The following SEC23B variants were observed in gnomAD, a reference collection of about 807,000 sequenced individuals.
The protein encoded by SEC23B is protein transport protein Sec23B.
A neutral mutation model predicts 104.3 loss-of-function variants in SEC23B; 77 were observed. That is an observed-to-expected ratio of 0.74 (90% CI 0.61 to 0.89). The LOEUF is 0.89. Ranked by LOEUF, SEC23B falls within the 40% of genes least tolerant of loss-of-function variation. SEC23B has a pLI of 0.00. For synonymous variants in SEC23B, 338 were observed against 332.5 expected (o/e 1.02, Z -0.18); for missense variants, 885 against 949.4 (o/e 0.93, Z 0.89).
intron 14 of SEC23B, among the ~76,000 whole-genome samples, chr20:18,544,040 C>G (rs1309509989): frequency 1.3e-5 from 2 of 152,172 alleles, no homozygotes; most frequent in Non-Finnish European, 2.9e-5. Flanking sequence ...CTCCAGCACT[C>G]TCTACTGACA....
intron 12 of SEC23B, among the ~76,000 whole-genome samples, 165 bp downstream of exon 12, chr20:18,535,907 G>A (rs1333729652): frequency 1.3e-5 from 2 of 152,152 alleles, no homozygotes; most frequent in Admixed American, 6.5e-5. Flanking sequence ...TTCCTTCAAG[G>A]GTTTAGTCGG....
At chr20:18,525,047 C>T (rs773522193) in intron 6 of SEC23B, 27 bp downstream of exon 6, 6 of 1,592,766 alleles carry the variant, frequency 3.8e-6, no homozygotes, top group Admixed American at 1.7e-5. Flanking sequence ...GAGTGTTACA[C>T]GTATTGTGAT....
Position 18,543,050 on chromosome 20 carries a change from A to G in SEC23B, c.1543A>G (p.Ile515Val), listed in dbSNP as rs759125987. Residue 515 changes from isoleucine (I) to valine (V), a missense_variant, in exon 14 of 20, where the codon ATA becomes GTA. Ile to Val is a conservative substitution (Grantham distance 29). Transcript: ENST00000650089. The part of the protein sequence containing the change: ...WADVQSQLRH[I>V]EAAFDQEAAA... Reference sequence around the variant, plus strand: ...AGATGTACAGAGTCAGCTCAGGCACATAGAAGCAGCATTTGACCAGGAGGC... The same window carrying G: ...AGATGTACAGAGTCAGCTCAGGCACGTAGAAGCAGCATTTGACCAGGAGGC... The G allele has an allele frequency of 6.2e-7, 1 of 1,614,202 alleles. No individual in the cohort carries two copies. Among genetic ancestry groups the G allele is most frequent in the Non-Finnish European group, 8.5e-7 (1 of 1,180,034 alleles).
intron 1 of SEC23B, 71 bp from the exon 2 acceptor site, chr20:18,510,751 C>A: frequency 1.7e-6 from 2 of 1,158,604 alleles, no homozygotes; most frequent in Non-Finnish European, 2.6e-6. Flanking sequence ...TGTTACATGA[C>A]CCATCTTCTT....
chr20:18,543,079 G>A lies in SEC23B; in HGVS notation c.1572G>A (p.Ala524=), dbSNP rs1197660415. 4.3e-6 allele frequency: 7 copies of A among 1,614,162 alleles called. No individual in the cohort carries two copies. The highest frequency in any genetic ancestry group is 2.2e-5 in the East Asian group (1 of 44,882). The change falls in exon 14 of 20, where the codon GCG becomes GCA. Residue 524 remains alanine, a synonymous_variant. Coordinates refer to ENST00000650089, the MANE Select transcript of SEC23B (RefSeq NM_006363.6). ...AAGCAGCATTTGACCAGGAGGCTGC[G>A]GCAGTGTTGATGGCACGGCTTGGGG... ...HIEAAFDQEA[A]AVLMARLGVF... is the part of the protein sequence containing the mutation.
chr20:18,555,580 C>T (rs1024612813), intron 19 of SEC23B, among the ~76,000 whole-genome samples: 10 of 152,104 alleles, frequency 6.6e-5, no homozygotes, highest in Non-Finnish European at 1.2e-4. Context: ...CCCCCAACCC[C>T]GCCTGATTAC....
chr20:18,527,547 A>G lies in SEC23B; in HGVS notation c.1045A>G (p.Ile349Val), dbSNP rs1204168449. Residue 349 changes from isoleucine (I) to valine (V), a missense_variant, in exon 9 of 20, where the codon ATT becomes GTT. Physicochemically the swap from Ile to Val is conservative, Grantham distance 29. Transcript: ENST00000650089. ...RTAANGHCID[I>V]YACALDQTGL... ...AGCTGCAAATGGTCACTGCATTGAT[A>G]TTTATGCTTGTGCCCTTGATCAAAC... The G allele has an allele frequency of 1.2e-6, 2 of 1,613,892 alleles. No homozygotes were observed. Among genetic ancestry groups the G allele is most frequent in the Non-Finnish European group, 1.7e-6 (2 of 1,179,742 alleles).
At chr20:18,516,918 TA>T (rs532032463) in intron 4 of SEC23B, among the ~76,000 whole-genome samples, 95 of 146,344 alleles carry the variant, frequency 6.5e-4, no homozygotes, top group East Asian at 3.5e-3. Flanking sequence ...TTTCTATTTC[TA>T]AAAAAAAAAA....
At chr20:18,516,718 AT>A (rs1034527275) in intron 4 of SEC23B, among the ~76,000 whole-genome samples, 1 of 151,140 alleles carries the variant, frequency 6.6e-6, no homozygotes, top group Non-Finnish European at 1.5e-5. Context: ...CGCCCGGCTA[AT>A]TTTTTTAATA....
intron 19 of SEC23B, among the ~76,000 whole-genome samples, chr20:18,559,464 G>A (rs540306684): frequency 2.2e-3 from 342 of 152,256 alleles, no homozygotes; most frequent in Non-Finnish European, 3.8e-3. Flanking sequence ...GCCTTCTCTG[G>A]CACCATCTTG....
chr20:18,524,046 T>C (rs1032457437), intron 4 of SEC23B, among the ~76,000 whole-genome samples: 13 of 152,268 alleles, frequency 8.5e-5, no homozygotes, highest in South Asian at 4.2e-4. Flanking sequence ...CTGATTTCTC[T>C]GTTTAACAGT....
At chr20:18,530,345 G>A (rs2060172352) in intron 9 of SEC23B, among the ~76,000 whole-genome samples, 1 of 151,788 alleles carries the variant, frequency 6.6e-6, no homozygotes, top group African/African-American at 2.4e-5. Flanking sequence ...TCTGCCTCCT[G>A]GGTTCAAGTG....
chr20:18,537,671 G>C (rs1441787380), intron 12 of SEC23B, among the ~76,000 whole-genome samples: 1 of 152,024 alleles, frequency 6.6e-6, no homozygotes, highest in East Asian at 1.9e-4. Context: ...CACCAGCATG[G>C]CACATGTATA....
chr20:18,557,830 G>A (rs573836961), intron 19 of SEC23B, among the ~76,000 whole-genome samples: 15 of 146,470 alleles, frequency 1.0e-4, no homozygotes, highest in South Asian at 2.1e-4. Context: ...TCAGCTCACC[G>A]CAACCTCCGC....
At chr20:18,515,473 A>G (rs183819942) in intron 3 of SEC23B, among the ~76,000 whole-genome samples, 177 bp from the exon 4 acceptor site, 279 of 152,168 alleles carry the variant, frequency 1.8e-3, no homozygotes, top group African/African-American at 6.6e-3. Flanking sequence ...ACCACGCCCA[A>G]CTAATGTTTT....
At chr20:18,552,813 C>CA (rs1179045626) in intron 17 of SEC23B, among the ~76,000 whole-genome samples, 1 of 151,798 alleles carries the variant, frequency 6.6e-6, no homozygotes, top group Non-Finnish European at 1.5e-5. Context: ...GACTCTGTCT[C>CA]AAAAAACAAA....
intron 10 of SEC23B, among the ~76,000 whole-genome samples, chr20:18,531,652 C>CAA (rs11482973): frequency 0.37 from 36,541 of 99,102 alleles, 7,127 homozygotes; most frequent in East Asian, 0.46. Flanking sequence ...GAAACTGTCT[C>CAA]AAAAAAAAAA....
In SEC23B at chr20:18,545,928, T is replaced by G. The variant is rs1468804074; in HGVS notation, c.1666-28T>G. On this transcript the variant is annotated intron_variant, in intron 14 of 19. Coordinates refer to ENST00000650089, the MANE Select transcript of SEC23B (RefSeq NM_006363.6). ...TTCTCTCTCTTTTTGTGTGTGTTTG[T>G]TTGTTTTTTGGTATTTTCTTTCCAT... 4 of 1,288,064 alleles carry G rather than the reference T, an allele frequency of 3.1e-6. No homozygotes were observed. The African/African-American group carries it at 5.8e-5, about 19-fold the overall frequency. The allele number at this position is 1,288,064 out of a possible 1,614,324, so 79.8% of individuals were successfully genotyped here.
intron 15 of SEC23B, among the ~76,000 whole-genome samples, chr20:18,547,169 C>T (rs2060340076): frequency 6.6e-6 from 1 of 152,068 alleles, no homozygotes; most frequent in Non-Finnish European, 1.5e-5. Context: ...GCCAACAGCC[C>T]AGTCTCTAGA....
Sources: gnomAD v4.1 joint callset for allele counts (sites outside exome capture counted in the v4.1 genomes callset) on GRCh38, gnomAD v4.1.1 for gene constraint, MANE v1.5 for transcripts, NCBI Gene and HGNC (gene_info 2026-07-23, HGNC 2026-07-21) for gene names.